PCDHGA5: variants seen among roughly 807,000 people sequenced by gnomAD.
PCDHGA5 encodes protocadherin gamma-A5.
Under a neutral mutation model 56.7 loss-of-function variants are expected in PCDHGA5, and 36 were observed. The observed-to-expected ratio is 0.64, with a 90% CI of 0.49 to 0.84. PCDHGA5 has a LOEUF of 0.84. PCDHGA5 is among the 40% of genes least tolerant of loss of function. The probability of loss-of-function intolerance (pLI) is 0.00; values close to 1 mark genes in which losing one functional copy is unlikely to be tolerated. For missense variants in PCDHGA5, 1,305 were observed against 1,201.5 expected, an observed-to-expected ratio of 1.09 and a Z score of -1.27; for synonymous variants, 563 against 520.2, an observed-to-expected ratio of 1.08 and a Z score of -1.12.
At chr5:141,366,853 A>C in intron 1 of PCDHGA5, 102 bp downstream of exon 1, 1 of 1,431,818 alleles carries the variant, frequency 7.0e-7, no homozygotes, top group Non-Finnish European at 9.4e-7. Flanking sequence ...AAATAGTGGA[A>C]CATTATTTGC....
intron 1 of PCDHGA5, chr5:141,442,056 C>T: frequency 5.0e-6 from 1 of 198,150 alleles, no homozygotes; most frequent in Non-Finnish European, 1.0e-5. Flanking sequence ...GGTCGCGGTG[C>T]ACTGCGGTGG....
At chr5:141,458,615 G>A (rs2098949624) in intron 1 of PCDHGA5, among the ~76,000 whole-genome samples, 1 of 152,088 alleles carries the variant, frequency 6.6e-6, no homozygotes, top group Admixed American at 6.6e-5. Flanking sequence ...TGTCAGCCAG[G>A]CTGGAGTGCA....
intron 1 of PCDHGA5, among the ~76,000 whole-genome samples, chr5:141,458,449 A>G (rs1483902182): frequency 6.6e-6 from 1 of 152,086 alleles, no homozygotes; most frequent in Non-Finnish European, 1.5e-5. Context: ...CCACATTAAC[A>G]ATTTTTAAAA....
chr5:141,403,616 C>T (rs2094434764), intron 1 of PCDHGA5: 1 of 1,613,774 alleles, frequency 6.2e-7, no homozygotes, highest in South Asian at 1.1e-5. Flanking sequence ...CGAGCCGCGT[C>T]GCTCCAGCAC....
Position 141,489,424 on chromosome 5 carries a change from C to T in PCDHGA5, c.2422-5383C>T, listed in dbSNP as rs758049228. The T allele has an allele frequency of 5.0e-5, 80 of 1,613,958 alleles. No homozygotes were observed. In the Admixed American group the frequency reaches 1.1e-3, roughly 23 times the overall value. On this transcript the variant is annotated intron_variant, in intron 1 of 3. Coordinates refer to ENST00000518069, the MANE Select transcript of PCDHGA5 (RefSeq NM_018918.3). The surrounding 1 kb of genome is among the most constrained non-coding windows in gnomAD (Gnocchi z 4.5). ...CTTAAAGATGACAGATCTGTTGAGC[C>T]GGCGGCTGCAATTGGGCTCTGAGGA...
intron 2 of PCDHGA5, among the ~76,000 whole-genome samples, chr5:141,501,324 CA>C (rs1311475307): frequency 7.2e-5 from 11 of 151,778 alleles, no homozygotes; most frequent in African/African-American, 1.9e-4. Flanking sequence ...CACACACACA[CA>C]CACACACACC....
Position 141,431,300 on chromosome 5 carries a change from A to G in PCDHGA5, c.2422-63507A>G, listed in dbSNP as rs200375087. 7.4e-6 allele frequency: 12 copies of G among 1,614,008 alleles called. No homozygotes were observed. Among genetic ancestry groups the G allele is most frequent in the Admixed American group, 1.7e-5 (1 of 60,010 alleles). ...CAGCCCGAACACTCACTTCTCCCTC[A>G]TCGTGCAAAATGGAGCCGACGGTAG... On this transcript the variant is annotated intron_variant, in intron 1 of 3. Coordinates refer to ENST00000518069, the MANE Select transcript of PCDHGA5 (RefSeq NM_018918.3). This position sits in a 1 kb window ranked among gnomAD's most constrained non-coding sequence, Gnocchi z 4.8.
intron 1 of PCDHGA5, chr5:141,389,390 C>G: frequency 2.5e-6 from 4 of 1,613,718 alleles, no homozygotes; most frequent in Non-Finnish European, 3.4e-6. Context: ...TGTCATCCTA[C>G]GTGTCCATAA....
chr5:141,422,447 C>G, intron 1 of PCDHGA5: 2 of 1,610,922 alleles, frequency 1.2e-6, no homozygotes, highest in Non-Finnish European at 1.7e-6. Flanking sequence ...AAATTGATAA[C>G]AAGCAGAGTG....
chr5:141,451,326 G>T (rs189445228), intron 1 of PCDHGA5, among the ~76,000 whole-genome samples: 3 of 152,278 alleles, frequency 2.0e-5, no homozygotes, highest in Admixed American at 2.0e-4. Context: ...GTCACCTAAG[G>T]CTATTGTCTT....
intron 3 of PCDHGA5, among the ~76,000 whole-genome samples, chr5:141,510,194 G>T (rs920127442): frequency 6.6e-6 from 1 of 151,462 alleles, no homozygotes. Context: ...AATCACTTGA[G>T]CCCAGGAGGC....
In PCDHGA5 at chr5:141,432,143, C is replaced by G; in HGVS notation, c.2422-62664C>G. 2 of 1,614,084 alleles carry G rather than the reference C, an allele frequency of 1.2e-6. No homozygotes were observed. Among genetic ancestry groups the G allele is most frequent in the Non-Finnish European group, 1.7e-6 (2 of 1,180,006 alleles). Reference sequence around the variant, plus strand: ...TCAGGCCTCCTATTCCGCTTATATCCCAGAGAACAATCCCAGAGGAGTTTC... The same window carrying G: ...TCAGGCCTCCTATTCCGCTTATATCGCAGAGAACAATCCCAGAGGAGTTTC... On this transcript the variant is annotated intron_variant, in intron 1 of 3. Coordinates refer to ENST00000518069, the MANE Select transcript of PCDHGA5 (RefSeq NM_018918.3). This position sits in a 1 kb window ranked among gnomAD's most constrained non-coding sequence, Gnocchi z 6.0.
chr5:141,427,710 G>T, intron 1 of PCDHGA5: 2 of 1,033,628 alleles, frequency 1.9e-6, no homozygotes, highest in South Asian at 2.6e-5. Context: ...CAGCGCCTCT[G>T]ACCTGGACCT....
chr5:141,485,993 A>C lies in PCDHGA5; in HGVS notation c.2422-8814A>C. 6.2e-7 allele frequency: 1 copy of C among 1,614,210 alleles called. No homozygotes were observed. Among genetic ancestry groups the C allele is most frequent in the Non-Finnish European group, 8.5e-7 (1 of 1,180,028 alleles). On this transcript the variant is annotated intron_variant, in intron 1 of 3. Coordinates refer to ENST00000518069, the MANE Select transcript of PCDHGA5 (RefSeq NM_018918.3). The surrounding 1 kb of genome is among the most constrained non-coding windows in gnomAD (Gnocchi z 5.7). ...TGCCTCAGACCCGGACCTGGGTCCC[A>C]GTGGTAACGTCACCTTTTATTTCAG...
At chr5:141,409,919 G>T (rs774277848) in intron 1 of PCDHGA5, 1 of 1,613,346 alleles carries the variant, frequency 6.2e-7, no homozygotes, top group Non-Finnish European at 8.5e-7. Context: ...TGACGGCTCC[G>T]CGTTCTTCGA....
intron 1 of PCDHGA5, chr5:141,374,345 G>A (rs1221134827): frequency 8.1e-6 from 13 of 1,614,018 alleles, no homozygotes; most frequent in Non-Finnish European, 1.1e-5. Flanking sequence ...GGTCACCGCG[G>A]GTAGGATAGA....
In PCDHGA5 at chr5:141,487,135, A is replaced by T; in HGVS notation, c.2422-7672A>T. 6.2e-7 allele frequency: 1 copy of T among 1,613,544 alleles called. No individual in the cohort carries two copies. The highest frequency in any genetic ancestry group is 8.5e-7 in the Non-Finnish European group (1 of 1,179,856). ...TGGTAAAGGATAGTGGTAGTCCACC[A>T]CTCTCTACCTCTGTTACTCTCTTAG... On this transcript the variant is annotated intron_variant, in intron 1 of 3. Transcript: ENST00000518069. The surrounding 1 kb of genome is among the most constrained non-coding windows in gnomAD (Gnocchi z 5.0).
chr5:141,416,224 T>G (rs2096006627), intron 1 of PCDHGA5: 1 of 152,382 alleles, frequency 6.6e-6, no homozygotes, highest in Admixed American at 6.5e-5. Context: ...TATGCTTAGA[T>G]TTTTCCAGCC....
rs201325462 is a variant in PCDHGA5, at chr5:141,371,687, G to C, written c.2421+4936G>C. The C allele has an allele frequency of 3.2e-3, 5,173 of 1,614,012 alleles. 13 individuals are homozygous for C. The highest frequency in any genetic ancestry group is 4.1e-3 in the Non-Finnish European group (4,801 of 1,179,898). ...CAGCTACCGACAAAGGCAATCCACC[G>C]CTCTCCTCCAGCAAGACCATCACTC... On this transcript the variant is annotated intron_variant, in intron 1 of 3. Coordinates refer to ENST00000518069, the MANE Select transcript of PCDHGA5 (RefSeq NM_018918.3).
Sources: allele counts gnomAD v4.1 joint callset (sites outside exome capture counted in the v4.1 genomes callset), GRCh38; gene constraint gnomAD v4.1.1; non-coding constraint Gnocchi (gnomAD v3.1); transcripts MANE v1.5; gene names NCBI Gene and HGNC (gene_info 2026-07-23, HGNC 2026-07-21).